The following PPP2R5D variants were observed in gnomAD, a reference collection of about 807,000 sequenced individuals.
PPP2R5D encodes serine/threonine-protein phosphatase 2A 56 kDa regulatory subunit delta isoform.
Under a neutral mutation model 79.1 loss-of-function variants are expected in PPP2R5D, and 12 were observed. The observed-to-expected ratio is 0.15, with a 90% CI of 0.10 to 0.25. The LOEUF is 0.25. Among genes scored for constraint, PPP2R5D ranks in the 10% least tolerant of loss-of-function variants. The pLI is 1.00. For synonymous variants in PPP2R5D, 277 were observed against 286.6 expected (o/e 0.97, Z 0.34); for missense variants, 419 against 760.2 (o/e 0.55, Z 5.28).
At chr6:42,993,594 A>G (rs540516065) in intron 2 of PPP2R5D, among the ~76,000 whole-genome samples, 45 of 152,368 alleles carry the variant, frequency 3.0e-4, no homozygotes, top group African/African-American at 9.1e-4. Flanking sequence ...TCTGTTCCAC[A>G]TCTCTCTCCT....
At chr6:43,000,296 A>G (rs1187741011) in intron 2 of PPP2R5D, among the ~76,000 whole-genome samples, 3 of 135,740 alleles carry the variant, frequency 2.2e-5, no homozygotes, top group African/African-American at 8.8e-5. Context: ...GCAGTGCAGT[A>G]GTGTGATTTT....
chr6:43,011,237 C>T lies in PPP2R5D; in HGVS notation c.1760C>T (p.Ala587Val), dbSNP rs748788574. ...GTGTACACCATCAAGGCACTGGAGG[C>T]GCACAAGCGGGCGGAAGAGTTCCTA... Reference protein sequence around the residue: ...QDVYTIKALEAHKRAEEFLTA... With the variant: ...QDVYTIKALEVHKRAEEFLTA... The change falls in exon 16 of 16, where the codon GCG (alanine) becomes GTG (valine). Residue 587 changes from alanine to valine, a missense_variant. Around this residue, in one of 5 missense-constraint regions of PPP2R5D, gnomAD observed 84 missense variants for 105.4 expected, o/e 0.80. Coordinates refer to ENST00000485511, the MANE Select transcript of PPP2R5D (RefSeq NM_006245.4). 3.1e-6 allele frequency: 5 copies of T among 1,613,966 alleles called. No homozygotes were observed. In the South Asian group the frequency reaches 4.4e-5, roughly 14 times the overall value.
rs187610698 is a variant in PPP2R5D at position 42,995,584 on chromosome 6, G to A, written c.105+5896G>A. On this transcript the variant is annotated intron_variant, in intron 2 of 15. Transcript: ENST00000485511. ...TTTTTTTTTTTTGAGACGGAGTCTC[G>A]CTCTGTCGCCCAGGCTGGAGTGCAG... 2.7e-4 allele frequency among the ~76,000 whole-genome samples: 40 copies of A among 148,736 alleles called. No individual in the cohort carries two copies. The East Asian group carries it at 7.4e-3, about 27-fold the overall frequency.
At chr6:42,990,073 G>A (rs1771153043) in intron 2 of PPP2R5D, among the ~76,000 whole-genome samples, 1 of 152,198 alleles carries the variant, frequency 6.6e-6, no homozygotes, top group Admixed American at 6.6e-5. Flanking sequence ...CAGGGGATTG[G>A]GAGGGGCTGG....
chr6:43,005,481 T>A (rs183124343), intron 2 of PPP2R5D, among the ~76,000 whole-genome samples: 3,178 of 152,198 alleles, frequency 0.021, 47 homozygotes, highest in Non-Finnish European at 0.032. Flanking sequence ...TTAAAAAAAA[T>A]TTTTTGTAGA....
chr6:43,001,683 G>C (rs1009441606), intron 2 of PPP2R5D, among the ~76,000 whole-genome samples: 5 of 151,994 alleles, frequency 3.3e-5, no homozygotes, highest in Non-Finnish European at 5.9e-5. Context: ...AGGAGATCGA[G>C]ATCAGCCTGG....
intron 1 of PPP2R5D, 124 bp downstream of exon 1, chr6:42,984,828 G>A (rs1311900882): frequency 7.0e-7 from 1 of 1,426,282 alleles, no homozygotes; most frequent in Non-Finnish European, 9.3e-7. Context: ...AGGACTCCTG[G>A]GGCCAGCCCT....
Position 42,989,704 on chromosome 6 carries a change from G to A in PPP2R5D, c.105+16G>A, listed in dbSNP as rs201160891. 1.2e-4 allele frequency: 195 copies of A among 1,607,880 alleles called. No homozygotes were observed. The highest frequency in any genetic ancestry group is 1.0e-3 in the Middle Eastern group (6 of 5,768). ...CACTGAGGAGGTAATGAATGTAGGCGTAGCCTTAGATGTGGTGCAGGTGCC... is the reference window on the plus strand; with the variant it reads ...CACTGAGGAGGTAATGAATGTAGGCATAGCCTTAGATGTGGTGCAGGTGCC... On this transcript the variant is annotated intron_variant, in intron 2 of 15. Transcript: ENST00000485511.
At chr6:42,992,076 T>C (rs951493465) in intron 2 of PPP2R5D, among the ~76,000 whole-genome samples, 2 of 152,048 alleles carry the variant, frequency 1.3e-5, no homozygotes, top group African/African-American at 4.8e-5. Flanking sequence ...CCTTTTTCTT[T>C]TGAGATGGAA....
chr6:42,998,015 T>TTA (rs1561843629), intron 2 of PPP2R5D, among the ~76,000 whole-genome samples: 830 of 32,228 alleles, frequency 0.026, 4 homozygotes, highest in Non-Finnish European at 0.031. Context: ...TGGGTTTTAT[T>TTA]TATATATATA....
chr6:42,987,227 A>G (rs1012321144), intron 1 of PPP2R5D, among the ~76,000 whole-genome samples: 7 of 152,128 alleles, frequency 4.6e-5, no homozygotes, highest in Admixed American at 3.9e-4. Context: ...CCCCTTTGAG[A>G]TAATAACTAA....
At position 43,006,775 on chromosome 6, in the gene PPP2R5D, A is replaced by G; in HGVS notation, c.322+96A>G. The G allele has an allele frequency of 6.4e-7, 1 of 1,574,270 alleles. No homozygotes were observed. The highest frequency in any genetic ancestry group is 8.6e-7 in the Non-Finnish European group (1 of 1,156,342). On this transcript the variant is annotated intron_variant, in intron 3 of 15. Coordinates refer to ENST00000485511, the MANE Select transcript of PPP2R5D (RefSeq NM_006245.4). This position sits in a 1 kb window ranked among gnomAD's most constrained non-coding sequence, Gnocchi z 4.7. ...TTTTGGGGTATTTTGCGGGGAAGGG[A>G]GTTCCAGAGAATGCGGGAAGGGGGT...
At chr6:43,004,317 T>C (rs4714654) in intron 2 of PPP2R5D, among the ~76,000 whole-genome samples, 40,318 of 152,196 alleles carry the variant, frequency 0.26, 8,205 homozygotes, top group African/African-American at 0.57. Flanking sequence ...GCCACCGCAC[T>C]TGGCCTTGTA....
At chr6:42,989,719 G>T in intron 2 of PPP2R5D, 31 bp downstream of exon 2, 2 of 1,589,432 alleles carry the variant, frequency 1.3e-6, no homozygotes, top group South Asian at 2.2e-5. Context: ...CTTAGATGTG[G>T]TGCAGGTGCC....
At position 43,009,466 on chromosome 6, in the gene PPP2R5D, G is replaced by T. The variant is rs1035259624; in HGVS notation, c.1379+17G>T. ...CTGGAACAAGTAAGGCGCTGGGGTG[G>T]GGCTGGGTGGTGGGGATCCAGTTTG... On this transcript the variant is annotated intron_variant, in intron 12 of 15. Coordinates refer to ENST00000485511, the MANE Select transcript of PPP2R5D (RefSeq NM_006245.4). The surrounding 1 kb of genome is among the most constrained non-coding windows in gnomAD (Gnocchi z 5.6). 3 of 1,613,974 alleles carry T rather than the reference G, an allele frequency of 1.9e-6. No individual in the cohort carries two copies. Among genetic ancestry groups the T allele is most frequent in the Non-Finnish European group, 2.5e-6 (3 of 1,179,974 alleles).
Position 43,012,169 on chromosome 6 carries a change from G to T in PPP2R5D, c.*883G>T. The T allele has an allele frequency of 9.1e-7, 1 of 1,096,190 alleles. No individual in the cohort carries two copies. Among genetic ancestry groups the T allele is most frequent in the South Asian group, 4.3e-5 (1 of 23,376 alleles). 67.9% of individuals were successfully genotyped at this position (1,096,190 alleles called of 1,614,324 possible). A position where few individuals can be genotyped will look rare whatever the true frequency, so the allele number is the denominator to read the frequency against. ...TCTCTTGTCCCTTATAGGTACCTTGGAGGGGCCAGGGGCTGAGGAAGGCCG... is the reference window on the plus strand; with the variant it reads ...TCTCTTGTCCCTTATAGGTACCTTGTAGGGGCCAGGGGCTGAGGAAGGCCG... On this transcript the variant is annotated 3_prime_UTR_variant, in exon 16 of 16. Transcript: ENST00000485511.
At position 42,989,694 on chromosome 6, in the gene PPP2R5D, G is replaced by A. The variant is rs762351078; in HGVS notation, c.105+6G>A. The A allele has an allele frequency of 1.9e-6, 3 of 1,611,640 alleles. No homozygotes were observed. The East Asian group carries it at 6.7e-5, about 36-fold the overall frequency. ...GAGGCGAGAACACTGAGGAGGTAAT[G>A]AATGTAGGCGTAGCCTTAGATGTGG... is the stretch of plus-strand genomic sequence containing the variant. On this transcript the variant is annotated splice_donor_region_variant and intron_variant, in intron 2 of 15. Transcript: ENST00000485511.
chr6:43,004,977 G>T (rs1380081394), intron 2 of PPP2R5D, among the ~76,000 whole-genome samples: 1 of 151,660 alleles, frequency 6.6e-6, no homozygotes, highest in Non-Finnish European at 1.5e-5. Flanking sequence ...TGGAACTCCT[G>T]ACCTCAAGTG....
rs1325267165 is a variant in PPP2R5D at position 43,012,157 on chromosome 6, A to G, written c.*871A>G. 29 of 1,051,178 alleles carry G rather than the reference A, an allele frequency of 2.8e-5. No homozygotes were observed. The highest frequency in any genetic ancestry group is 3.3e-5 in the African/African-American group (2 of 59,934). 65.1% of individuals were successfully genotyped at this position (1,051,178 alleles called of 1,614,324 possible). A position where few individuals can be genotyped will look rare whatever the true frequency, so the allele number is the denominator to read the frequency against. On this transcript the variant is annotated 3_prime_UTR_variant, in exon 16 of 16. Coordinates refer to ENST00000485511, the MANE Select transcript of PPP2R5D (RefSeq NM_006245.4). ...CTGGGCAGGCCTTCTCTTGTCCCTT[A>G]TAGGTACCTTGGAGGGGCCAGGGGC...
Sources: gnomAD v4.1 joint callset for allele counts (sites outside exome capture counted in the v4.1 genomes callset) on GRCh38, gnomAD v4.1.1 for gene constraint, gnomAD v4.1.1 regional missense constraint, Gnocchi (gnomAD v3.1) non-coding constraint, MANE v1.5 for transcripts, NCBI Gene and HGNC (gene_info 2026-07-23, HGNC 2026-07-21) for gene names.